Variants in GLMN observed in about 807,000 individuals in gnomAD.
The protein encoded by GLMN is glomulin.
Under a neutral mutation model 87.8 loss-of-function variants are expected in GLMN, and 75 were observed. The ratio of observed to expected loss-of-function variants is 0.85; its 90% confidence interval spans 0.71 to 1.04. GLMN has a LOEUF of 1.04. GLMN is among the 50% of genes least tolerant of loss of function. GLMN has a pLI of 0.00. For missense variants in GLMN, 588 were observed against 658.8 expected, an observed-to-expected ratio of 0.89 and a Z score of 1.18; for synonymous variants, 206 against 221.6, an observed-to-expected ratio of 0.93 and a Z score of 0.63.
At chr1:92,266,862 T>G in intron 11 of GLMN, 121 bp from the exon 12 acceptor site, 1 of 668,268 alleles carries the variant, frequency 1.5e-6, no homozygotes. Flanking sequence ...GATTTAAAAG[T>G]GAAGTAAATT....
the GLMN span, among the ~76,000 whole-genome samples, chr1:92,349,455 A>C: frequency 3.9e-5 from 6 of 152,184 alleles, no homozygotes; most frequent in African/African-American, 1.4e-4. Flanking sequence ...CACAAGTCTA[A>C]CTCTTGTTAA....
At chr1:92,257,729 C>A (rs902299171) in intron 16 of GLMN, among the ~76,000 whole-genome samples, 12 of 152,124 alleles carry the variant, frequency 7.9e-5, no homozygotes, top group African/African-American at 2.4e-4. Context: ...TTCCTTACCC[C>A]CTATACAAAA....
the GLMN span, among the ~76,000 whole-genome samples, chr1:92,305,305 C>T: frequency 1.3e-5 from 2 of 151,216 alleles, no homozygotes; most frequent in East Asian, 1.9e-4. Context: ...TGATGGCGGG[C>T]GCCTGTAGTC....
the GLMN span, among the ~76,000 whole-genome samples, chr1:92,327,015 C>T: frequency 6.6e-6 from 1 of 152,220 alleles, no homozygotes; most frequent in Non-Finnish European, 1.5e-5. Flanking sequence ...GCTGGCCTAT[C>T]ATATGGTCTA....
the GLMN span, among the ~76,000 whole-genome samples, chr1:92,338,692 C>A: frequency 5.8e-3 from 873 of 151,016 alleles, 5 homozygotes; most frequent in African/African-American, 0.019. Context: ...GCTCAGTTGC[C>A]CAGGCTGGAG....
the GLMN span, among the ~76,000 whole-genome samples, chr1:92,315,126 T>C: frequency 1.1e-3 from 165 of 151,332 alleles, 1 homozygote; most frequent in South Asian, 3.4e-3. Flanking sequence ...AAAAAAAAAA[T>C]TTAAAGGAAA....
At chr1:92,320,748 G>A in the GLMN span, 1 of 708,124 alleles carries the variant, frequency 1.4e-6, no homozygotes, top group Admixed American at 2.4e-5. Context: ...TTATGTAAGT[G>A]TCCCATTCTA....
chr1:92,256,654 C>T (rs1429820709), intron 16 of GLMN, among the ~76,000 whole-genome samples: 1 of 152,072 alleles, frequency 6.6e-6, no homozygotes, highest in Non-Finnish European at 1.5e-5. Context: ...TGACAAAAAC[C>T]ACATGATTAT....
At chr1:92,345,603 G>C in the GLMN span, among the ~76,000 whole-genome samples, 1 of 151,876 alleles carries the variant, frequency 6.6e-6, no homozygotes, top group African/African-American at 2.4e-5. Flanking sequence ...ATCTTGTCTA[G>C]TAGTAATATT....
Position 92,286,592 on chromosome 1 carries a change from A to G in GLMN, c.633T>C (p.Phe211=), listed in dbSNP as rs775960621. ...NEKLKDELLK[F]CFKSLKCPLL... is the part of the protein sequence containing the mutation. ...AAGGGCATTTCAAGCTTTTGAAACA[A>G]CTAAGGCATAAGAAATAGGTAACTA... Residue 211 remains phenylalanine (F), a splice_region_variant and synonymous_variant, in exon 7 of 19, where the codon TTT becomes TTC. Transcript: ENST00000370360. The G allele has an allele frequency of 4.7e-6, 7 of 1,486,350 alleles. No homozygotes were observed. Among genetic ancestry groups the G allele is most frequent in the Non-Finnish European group, 5.6e-6 (6 of 1,064,350 alleles). The allele number at this position is 1,486,350 out of a possible 1,614,324, so 92.1% of individuals were successfully genotyped here.
chr1:92,265,417 A>G (rs1247235360), intron 13 of GLMN, among the ~76,000 whole-genome samples: 1 of 152,178 alleles, frequency 6.6e-6, no homozygotes, highest in African/African-American at 2.4e-5. Flanking sequence ...AAGCCGGTAT[A>G]ATACCTAAGA....
At chr1:92,358,903 T>A in the GLMN span, among the ~76,000 whole-genome samples, 2 of 151,844 alleles carry the variant, frequency 1.3e-5, no homozygotes, top group Non-Finnish European at 2.9e-5. Flanking sequence ...TCTTTAAATT[T>A]AAAAAAAACA....
chr1:92,341,390 T>C, the GLMN span, among the ~76,000 whole-genome samples: 1,011 of 152,288 alleles, frequency 6.6e-3, 9 homozygotes, highest in African/African-American at 0.019. Flanking sequence ...AGTAAATACA[T>C]TCATTTAGCA....
intron 2 of GLMN, 96 bp from the exon 3 acceptor site, chr1:92,297,625 G>A: frequency 9.2e-7 from 1 of 1,085,730 alleles, no homozygotes; most frequent in Non-Finnish European, 1.4e-6. Flanking sequence ...TATGAAAAAA[G>A]GAAATCTGTT....
chr1:92,310,992 T>C, the GLMN span, among the ~76,000 whole-genome samples: 1 of 152,222 alleles, frequency 6.6e-6, no homozygotes, highest in African/African-American at 2.4e-5. Context: ...ATCTCATATA[T>C]GCATATAACT....
At chr1:92,344,913 C>T in the GLMN span, among the ~76,000 whole-genome samples, 4 of 152,066 alleles carry the variant, frequency 2.6e-5, no homozygotes, top group African/African-American at 9.7e-5. Flanking sequence ...TATGTATTGG[C>T]TGATATTTTC....
intron 16 of GLMN, among the ~76,000 whole-genome samples, chr1:92,250,384 G>T (rs1044701140): frequency 6.6e-6 from 1 of 152,028 alleles, no homozygotes; most frequent in Non-Finnish European, 1.5e-5. Context: ...TCAATCTTAT[G>T]TTTTTGAGAG....
the GLMN span, among the ~76,000 whole-genome samples, chr1:92,335,127 G>C: frequency 6.6e-6 from 1 of 152,164 alleles, no homozygotes; most frequent in African/African-American, 2.4e-5. Flanking sequence ...GTTCTCCATA[G>C]TGGGTGTACT....
the GLMN span, among the ~76,000 whole-genome samples, chr1:92,334,049 G>A: frequency 6.6e-6 from 1 of 151,472 alleles, no homozygotes; most frequent in East Asian, 1.9e-4. Context: ...GAACTTGAAG[G>A]TTTTTTTTTC....
Sources: gnomAD v4.1 joint callset for allele counts (sites outside exome capture counted in the v4.1 genomes callset) on GRCh38, gnomAD v4.1.1 for gene constraint, MANE v1.5 for transcripts, NCBI Gene and HGNC (gene_info 2026-07-23, HGNC 2026-07-21) for gene names.